Variants in DCP1B observed in about 807,000 individuals in gnomAD.
DCP1B encodes decapping mRNA 1B.
DCP1B carries 47 observed loss-of-function variants against 60.5 expected under a neutral mutation model. The observed-to-expected ratio is 0.78, with a 90% CI of 0.61 to 0.99. DCP1B has a LOEUF of 0.99. DCP1B is among the 50% of genes least tolerant of loss of function. The pLI, the probability that DCP1B is intolerant of heterozygous loss-of-function variation, is 0.00. For missense variants in DCP1B, 725 were observed against 756.8 expected, an observed-to-expected ratio of 0.96 and a Z score of 0.49; for synonymous variants, 267 against 280.3, an observed-to-expected ratio of 0.95 and a Z score of 0.47.
At position 1,946,210 on chromosome 12, in the gene DCP1B, A is replaced by T; in HGVS notation, c.1850T>A (p.Met617Lys). Reference sequence around the variant, plus strand: ...CAGTTTTAAAAGGCCTTGCTGTCACATAGTCTTTTTCATGGCTGCTTGAGT... The same window carrying T: ...CAGTTTTAAAAGGCCTTGCTGTCACTTAGTCTTTTTCATGGCTGCTTGAGT... Reference protein sequence around the residue: ...SMTQAAMKKTM With the variant: ...SMTQAAMKKTK Residue 617 changes from methionine to lysine, a missense_variant, in exon 9 of 9, where the codon ATG becomes AAG. Met to Lys is a moderately conservative substitution (Grantham distance 95). Coordinates refer to ENST00000280665, the MANE Select transcript of DCP1B (RefSeq NM_152640.5). The T allele has an allele frequency of 1.9e-6, 3 of 1,596,832 alleles. No homozygotes were observed. The highest frequency in any genetic ancestry group is 2.6e-6 in the Non-Finnish European group (3 of 1,172,816).
chr12:1,999,028 T>G (rs139458424), intron 1 of DCP1B, among the ~76,000 whole-genome samples: 4,169 of 152,324 alleles, frequency 0.027, 95 homozygotes, highest in Middle Eastern at 0.054. Context: ...TTTCAGCAAA[T>G]TTCTCATTCA....
At chr12:1,985,301 A>G (rs1826010052) in intron 3 of DCP1B, among the ~76,000 whole-genome samples, 1 of 152,190 alleles carries the variant, frequency 6.6e-6, no homozygotes, top group African/African-American at 2.4e-5. Flanking sequence ...ATTTTTAAAA[A>G]ACATCTTGGC....
rs1033238994 is a variant in DCP1B at position 1,948,363 on chromosome 12, C to T, written c.1773+723G>A. On this transcript the variant is annotated intron_variant, in intron 8 of 8. Transcript: ENST00000280665. This position sits in a 1 kb window ranked among gnomAD's most constrained non-coding sequence, Gnocchi z 4.8. ...CCCTGCTTATGTACGAGCTCCGTGCCTCAGGCCAGTTGCTCAGCCTCAGTT... is the reference window on the plus strand; with the variant it reads ...CCCTGCTTATGTACGAGCTCCGTGCTTCAGGCCAGTTGCTCAGCCTCAGTT... Among the ~76,000 whole-genome samples the T allele has an allele frequency of 6.6e-6, 1 of 152,196 alleles. No individual in the cohort carries two copies.
At chr12:1,959,484 A>G (rs908117795) in intron 5 of DCP1B, among the ~76,000 whole-genome samples, 3 of 152,366 alleles carry the variant, frequency 2.0e-5, no homozygotes, top group Non-Finnish European at 4.4e-5. Flanking sequence ...GGTATGTGAA[A>G]AATGCTCGAC....
chr12:1,991,991 C>A (rs1027050180), intron 3 of DCP1B: 3 of 234,188 alleles, frequency 1.3e-5, no homozygotes, highest in East Asian at 1.3e-4. Flanking sequence ...TCAAAAAAAA[C>A]CCTGACATAA....
At chr12:1,987,956 T>G (rs1047039503) in intron 3 of DCP1B, among the ~76,000 whole-genome samples, 1 of 152,234 alleles carries the variant, frequency 6.6e-6, no homozygotes, top group Non-Finnish European at 1.5e-5. Flanking sequence ...TCCCAATAGA[T>G]TCAAACTATC....
intron 3 of DCP1B, among the ~76,000 whole-genome samples, chr12:1,986,064 T>C (rs574872350): frequency 4.8e-4 from 73 of 152,316 alleles, no homozygotes; most frequent in African/African-American, 1.4e-3. Context: ...CTGCCCGCCT[T>C]GGCCTCCCAA....
intron 5 of DCP1B, among the ~76,000 whole-genome samples, chr12:1,961,156 G>C (rs907427232): frequency 1.3e-5 from 2 of 152,168 alleles, no homozygotes; most frequent in South Asian, 2.1e-4. Flanking sequence ...GAAGGGGTGG[G>C]AACAGTATGA....
chr12:1,947,668 T>C lies in DCP1B; in HGVS notation c.1774-1382A>G, dbSNP rs186414149. ...AGTAAAGAGGTTCACAGATGTCTAA[T>C]TCCTCCTGAGCTTACTATGAATAGC... is the stretch of plus-strand genomic sequence containing the variant. On this transcript the variant is annotated intron_variant, in intron 8 of 8. Coordinates refer to ENST00000280665, the MANE Select transcript of DCP1B (RefSeq NM_152640.5). Among the ~76,000 whole-genome samples the C allele has an allele frequency of 3.9e-5, 6 of 152,334 alleles. No homozygotes were observed. In the East Asian group the frequency reaches 1.2e-3, roughly 29 times the overall value.
chr12:1,950,231 G>C (rs1450783720), intron 7 of DCP1B: 4 of 648,360 alleles, frequency 6.2e-6, no homozygotes, highest in Admixed American at 4.8e-5. Flanking sequence ...AGGAAGGCAG[G>C]CTGTTTCTTT....
downstream of DCP1B, chr12:1,945,991 C>A: frequency 2.6e-6 from 1 of 383,296 alleles, no homozygotes; most frequent in Non-Finnish European, 4.6e-6. Flanking sequence ...TGTAACAAAC[C>A]TGCATGTTCT....
intron 1 of DCP1B, among the ~76,000 whole-genome samples, chr12:1,999,038 A>C (rs893410107): frequency 3.3e-5 from 5 of 152,334 alleles, no homozygotes; most frequent in Admixed American, 1.3e-4. Context: ...TTTCTCATTC[A>C]CTTTAGTTCA....
rs1160763685 is a variant in DCP1B at position 1,971,693 on chromosome 12, A to T, written c.320-3783T>A. ...TTAAAGGCAGTGTCATGTCAGCGTC[A>T]TTCAAATGTACATTTTCATTTGTAA... On this transcript the variant is annotated intron_variant, in intron 3 of 8. Coordinates refer to ENST00000280665, the MANE Select transcript of DCP1B (RefSeq NM_152640.5). This position sits in a 1 kb window ranked among gnomAD's most constrained non-coding sequence, Gnocchi z 4.2. Among the ~76,000 whole-genome samples, 3 of 152,256 alleles carry T rather than the reference A, an allele frequency of 2.0e-5. No homozygotes were observed. Among genetic ancestry groups the T allele is most frequent in the Non-Finnish European group, 4.4e-5 (3 of 68,044 alleles).
At chr12:1,946,616 C>G (rs925738311) in intron 8 of DCP1B, among the ~76,000 whole-genome samples, 1 of 152,218 alleles carries the variant, frequency 6.6e-6, no homozygotes, top group African/African-American at 2.4e-5. Flanking sequence ...GAAGCCCCAG[C>G]AGACAGAGGA....
At chr12:1,998,833 G>T (rs180781127) in intron 1 of DCP1B, among the ~76,000 whole-genome samples, 1 of 151,998 alleles carries the variant, frequency 6.6e-6, no homozygotes, top group South Asian at 2.1e-4. Flanking sequence ...CAATTTACAT[G>T]GTTTAATTTC....
In DCP1B at chr12:1,996,655, ACAAC is replaced by A. The variant is rs1311694506; in HGVS notation, c.191+1276_191+1279del. Among the ~76,000 whole-genome samples, 33 of 24,932 alleles carry A rather than the reference ACAAC, an allele frequency of 1.3e-3. 2 individuals carry two copies. Among genetic ancestry groups the A allele is most frequent in the African/African-American group, 7.4e-3 (23 of 3,124 alleles). The allele number at this position is 24,932 out of a possible 152,430, so 16.4% of individuals were successfully genotyped here. ...AAAAAAAAAAAAAAAAAAAAAAAAA[ACAAC>A]AAACTCTTCTAATGTTTTAAAGAAG... is the stretch of plus-strand genomic sequence containing the variant. On this transcript the variant is annotated intron_variant, in intron 2 of 8. Transcript: ENST00000280665.
At chr12:1,944,357 C>T (rs1007335722), downstream of DCP1B, among the ~76,000 whole-genome samples, 1 of 152,186 alleles carries the variant, frequency 6.6e-6, no homozygotes, top group African/African-American at 2.4e-5. Flanking sequence ...GGCCACACTG[C>T]CCAAAGTAAT....
At chr12:1,954,226 T>C (rs2154456679) in intron 6 of DCP1B, among the ~76,000 whole-genome samples, 1 of 151,922 alleles carries the variant, frequency 6.6e-6, no homozygotes, top group Non-Finnish European at 1.5e-5. Flanking sequence ...ACAAGCTTCA[T>C]TTTAAAGTCA....
chr12:1,977,299 T>C (rs2034698039), intron 3 of DCP1B, among the ~76,000 whole-genome samples: 1 of 152,200 alleles, frequency 6.6e-6, no homozygotes, highest in Non-Finnish European at 1.5e-5. Flanking sequence ...AGTTCAGCTG[T>C]GGCTACTGGT....
Sources: allele counts gnomAD v4.1 joint callset (sites outside exome capture counted in the v4.1 genomes callset), GRCh38; gene constraint gnomAD v4.1.1; non-coding constraint Gnocchi (gnomAD v3.1); transcripts MANE v1.5; gene names NCBI Gene and HGNC (gene_info 2026-07-23, HGNC 2026-07-21).